Variants in AGBL4 observed in about 807,000 individuals in gnomAD.
AGBL4 encodes AGBL carboxypeptidase 4.
Under a neutral mutation model 66.4 loss-of-function variants are expected in AGBL4, and 58 were observed. That is an observed-to-expected ratio of 0.87 (90% confidence interval 0.71 to 1.09). The LOEUF (loss-of-function observed/expected upper bound fraction) is 1.09, where lower values mean the gene tolerates loss of function less well. Among genes scored for constraint, AGBL4 ranks in the 50% least tolerant of loss-of-function variants. The pLI is 0.00. For synonymous variants in AGBL4, 234 were observed against 222.9 expected, an observed-to-expected ratio of 1.05 and a Z score of -0.44; for missense variants, 579 against 631.0, an observed-to-expected ratio of 0.92 and a Z score of 0.88.
chr1:49,848,805 T>C (rs1211313329), intron 2 of AGBL4, among the ~76,000 whole-genome samples: 1 of 152,162 alleles, frequency 6.6e-6, no homozygotes, highest in Non-Finnish European at 1.5e-5. Flanking sequence ...CTTAAATTTA[T>C]TCAAATAAAA....
At chr1:49,819,092 T>A (rs1645301614) in intron 2 of AGBL4, among the ~76,000 whole-genome samples, 1 of 152,168 alleles carries the variant, frequency 6.6e-6, no homozygotes, top group Non-Finnish European at 1.5e-5. Context: ...AGATAAAGTA[T>A]ATAATGTTTC....
chr1:48,995,493 G>C (rs1660932420), intron 5 of AGBL4, among the ~76,000 whole-genome samples: 1 of 152,200 alleles, frequency 6.6e-6, no homozygotes, highest in Non-Finnish European at 1.5e-5. Flanking sequence ...TTTCATTATA[G>C]CAGGAGAAGA....
At chr1:48,570,430 G>C (rs1185764087) in intron 11 of AGBL4, among the ~76,000 whole-genome samples, 1 of 152,228 alleles carries the variant, frequency 6.6e-6, no homozygotes, top group Non-Finnish European at 1.5e-5. Context: ...CAGGCAGTCT[G>C]GATGTGAGGA....
At chr1:49,695,798 G>T (rs1214861199) in intron 3 of AGBL4, among the ~76,000 whole-genome samples, 1 of 152,006 alleles carries the variant, frequency 6.6e-6, no homozygotes, top group African/African-American at 2.4e-5. Context: ...AGTAAATATT[G>T]CATACACTCA....
At chr1:49,266,295 A>G (rs895422121) in intron 3 of AGBL4, 1 of 152,170 alleles carries the variant, frequency 6.6e-6, no homozygotes, top group African/African-American at 2.4e-5. Context: ...AGTTTAGCAT[A>G]TCAAACAAGG....
At chr1:49,396,554 A>C (rs1644979790) in intron 3 of AGBL4, among the ~76,000 whole-genome samples, 1 of 152,224 alleles carries the variant, frequency 6.6e-6, no homozygotes, top group Non-Finnish European at 1.5e-5. Context: ...ATATGAAAAA[A>C]TAAATGACAT....
chr1:50,007,744 T>C (rs927828873), intron 1 of AGBL4, among the ~76,000 whole-genome samples: 13 of 152,052 alleles, frequency 8.5e-5, no homozygotes, highest in African/African-American at 3.1e-4. Context: ...CCAGCCTAGG[T>C]GACAGAGTGA....
chr1:48,949,097 T>G (rs755714963), intron 5 of AGBL4, among the ~76,000 whole-genome samples: 2 of 152,160 alleles, frequency 1.3e-5, no homozygotes, highest in African/African-American at 2.4e-5. Context: ...TGAAACCCCT[T>G]GCCCACTTCA....
chr1:49,502,952 G>A (rs1648308708), intron 3 of AGBL4, among the ~76,000 whole-genome samples: 1 of 152,120 alleles, frequency 6.6e-6, no homozygotes, highest in Admixed American at 6.5e-5. Context: ...AAATTTGCAT[G>A]AGTAATGATG....
intron 3 of AGBL4, among the ~76,000 whole-genome samples, chr1:49,664,659 T>C (rs1646328840): frequency 1.3e-5 from 2 of 152,190 alleles, no homozygotes; most frequent in South Asian, 4.1e-4. Context: ...ACACTTTTAT[T>C]CCAAATTTCT....
chr1:48,841,778 C>T (rs1487946838), intron 6 of AGBL4, among the ~76,000 whole-genome samples: 3 of 152,008 alleles, frequency 2.0e-5, no homozygotes, highest in Non-Finnish European at 2.9e-5. Context: ...GAATCATGCA[C>T]TAGCAGAGTC....
At chr1:48,752,425 T>C (rs1651888846) in intron 6 of AGBL4, among the ~76,000 whole-genome samples, 1 of 152,148 alleles carries the variant, frequency 6.6e-6, no homozygotes, top group Non-Finnish European at 1.5e-5. Context: ...GGCGTGGTAA[T>C]GGACAAATTC....
chr1:48,671,068 A>G (rs1646269279), intron 6 of AGBL4, among the ~76,000 whole-genome samples: 1 of 152,208 alleles, frequency 6.6e-6, no homozygotes, highest in African/African-American at 2.4e-5. Flanking sequence ...GCCATCAGGG[A>G]AGGTGTAACC....
At chr1:49,180,647 A>G (rs1452071063) in intron 4 of AGBL4, among the ~76,000 whole-genome samples, 3 of 152,218 alleles carry the variant, frequency 2.0e-5, no homozygotes, top group Non-Finnish European at 4.4e-5. Context: ...ATACTGATCC[A>G]GAAGATGGGA....
intron 3 of AGBL4, among the ~76,000 whole-genome samples, chr1:49,677,343 A>G (rs1214618524): frequency 6.6e-6 from 1 of 152,140 alleles, no homozygotes; most frequent in Non-Finnish European, 1.5e-5. Context: ...TTCTGCATCA[A>G]CTGATATGAT....
chr1:49,997,014 T>C (rs934883874), intron 1 of AGBL4, among the ~76,000 whole-genome samples: 1 of 152,174 alleles, frequency 6.6e-6, no homozygotes, highest in East Asian at 1.9e-4. Flanking sequence ...TGAGAGGATT[T>C]GCCAAAATCA....
chr1:49,822,512 T>C (rs1254480173), intron 2 of AGBL4, among the ~76,000 whole-genome samples: 1 of 152,166 alleles, frequency 6.6e-6, no homozygotes, highest in East Asian at 1.9e-4. Context: ...TTAGTAGAGA[T>C]GGGGTTTTGC....
At chr1:49,844,976 C>A in intron 2 of AGBL4, 1 of 1,385,690 alleles carries the variant, frequency 7.2e-7, no homozygotes. Flanking sequence ...CAACCAATGA[C>A]TCCTGAACAA....
chr1:49,895,799 G>A (rs1250197082), intron 1 of AGBL4, among the ~76,000 whole-genome samples: 3 of 151,160 alleles, frequency 2.0e-5, no homozygotes, highest in Admixed American at 1.3e-4. Flanking sequence ...ACACAGCAAG[G>A]AAAAAGAAAG....
Sources: gnomAD v4.1 joint callset for allele counts (sites outside exome capture counted in the v4.1 genomes callset) on GRCh38, gnomAD v4.1.1 for gene constraint, MANE v1.5 for transcripts, NCBI Gene and HGNC (gene_info 2026-07-23, HGNC 2026-07-21) for gene names.